KLF12: variants seen among roughly 807,000 people sequenced by gnomAD.
KLF12 encodes KLF transcription factor 12.
KLF12 carries 9 observed loss-of-function variants against 37.8 expected under a neutral mutation model. The observed-to-expected ratio is 0.24, with a 90% CI of 0.14 to 0.42. The LOEUF is 0.42. Among genes scored for constraint, KLF12 ranks in the 10% least tolerant of loss-of-function variants. The pLI is 1.00. For missense variants in KLF12, 411 were observed against 516.0 expected, an observed-to-expected ratio of 0.80 and a Z score of 1.97; for synonymous variants, 208 against 202.1, an observed-to-expected ratio of 1.03 and a Z score of -0.25.
chr13:73,834,576 T>A (rs761306540), intron 4 of KLF12, among the ~76,000 whole-genome samples: 1 of 152,238 alleles, frequency 6.6e-6, no homozygotes, highest in African/African-American at 2.4e-5. Flanking sequence ...AGTGGTATGA[T>A]CTCGGCTCAC....
chr13:74,173,273 T>G, the KLF12 span, among the ~76,000 whole-genome samples: 1 of 152,222 alleles, frequency 6.6e-6, no homozygotes, highest in Non-Finnish European at 1.5e-5. Flanking sequence ...CACTCATTTG[T>G]ACAGCTCCAG....
intron 1 of KLF12, among the ~76,000 whole-genome samples, chr13:74,015,061 T>C (rs189702094): frequency 6.6e-6 from 1 of 152,184 alleles, no homozygotes; most frequent in Non-Finnish European, 1.5e-5. Flanking sequence ...ATATAATAAA[T>C]TATATACTAT....
intron 3 of KLF12, among the ~76,000 whole-genome samples, chr13:73,848,872 A>G (rs150584705): frequency 1.3e-5 from 2 of 152,244 alleles, no homozygotes; most frequent in Admixed American, 1.3e-4. Context: ...GTCCTTTTTC[A>G]TATGTGGCAG....
At chr13:74,300,057 A>T in the KLF12 span, among the ~76,000 whole-genome samples, 1 of 152,190 alleles carries the variant, frequency 6.6e-6, no homozygotes, top group African/African-American at 2.4e-5. Context: ...AACCATTGTA[A>T]AAAGGGGAAA....
chr13:73,836,372 C>T (rs1365567344), intron 4 of KLF12, among the ~76,000 whole-genome samples: 1 of 152,094 alleles, frequency 6.6e-6, no homozygotes, highest in Non-Finnish European at 1.5e-5. Flanking sequence ...GGAACAGAAA[C>T]CACAGCCACA....
chr13:73,850,676 G>C (rs1885288242), intron 3 of KLF12, among the ~76,000 whole-genome samples: 1 of 152,106 alleles, frequency 6.6e-6, no homozygotes, highest in Non-Finnish European at 1.5e-5. Context: ...TTCCTCTTTA[G>C]TAACACCAGC....
intron 1 of KLF12, among the ~76,000 whole-genome samples, chr13:74,039,374 A>G (rs893215454): frequency 3.3e-5 from 5 of 151,604 alleles, no homozygotes; most frequent in Admixed American, 3.3e-4. Flanking sequence ...CATCTCTACC[A>G]AAAGAAAAAA....
the KLF12 span, among the ~76,000 whole-genome samples, chr13:74,254,136 G>A: frequency 6.6e-6 from 1 of 152,114 alleles, no homozygotes; most frequent in African/African-American, 2.4e-5. Context: ...ATGTCATGCA[G>A]GATTGTGTGT....
chr13:74,191,567 G>A, the KLF12 span, among the ~76,000 whole-genome samples: 11 of 152,172 alleles, frequency 7.2e-5, no homozygotes, highest in Non-Finnish European at 1.6e-4. Flanking sequence ...AGGGTTTCAG[G>A]TCTCTTGTGA....
chr13:74,215,488 C>A, the KLF12 span, among the ~76,000 whole-genome samples: 11 of 110,476 alleles, frequency 1.0e-4, no homozygotes, highest in African/African-American at 4.0e-4. Context: ...AGTTTGTTTG[C>A]TTGGGTCTCT....
chr13:74,142,241 C>T, the KLF12 span, among the ~76,000 whole-genome samples: 1 of 152,182 alleles, frequency 6.6e-6, no homozygotes. Context: ...CATGAATTTA[C>T]GTGTCTTTGA....
At chr13:74,219,843 T>C in the KLF12 span, among the ~76,000 whole-genome samples, 1 of 152,204 alleles carries the variant, frequency 6.6e-6, no homozygotes, top group Non-Finnish European at 1.5e-5. Flanking sequence ...TCTTAGCTGC[T>C]TCGAAAACTT....
intron 1 of KLF12, among the ~76,000 whole-genome samples, chr13:74,105,282 CA>C (rs967683257): frequency 7.1e-4 from 108 of 152,204 alleles, no homozygotes; most frequent in African/African-American, 2.5e-3. Context: ...TCTAGCAATA[CA>C]AATATATGAG....
chr13:73,916,241 GCACACGCACACACA>G (rs1339462162), intron 3 of KLF12, among the ~76,000 whole-genome samples: 3 of 30,716 alleles, frequency 9.8e-5, no homozygotes, highest in African/African-American at 2.9e-4. Context: ...ACACACACAC[GCACACGCACACACA>G]CACACACACA....
At chr13:74,271,295 C>T in the KLF12 span, among the ~76,000 whole-genome samples, 3 of 152,126 alleles carry the variant, frequency 2.0e-5, no homozygotes, top group African/African-American at 7.2e-5. Flanking sequence ...CTGTTGTCTG[C>T]AATCAACATA....
intron 2 of KLF12, among the ~76,000 whole-genome samples, chr13:73,988,764 G>A (rs1006296200): frequency 6.6e-6 from 1 of 152,202 alleles, no homozygotes; most frequent in African/African-American, 2.4e-5. Context: ...GGTCTAAGTA[G>A]CCAATTTTCC....
the KLF12 span, among the ~76,000 whole-genome samples, chr13:74,203,910 A>G: frequency 1.1e-3 from 174 of 152,230 alleles, 3 homozygotes; most frequent in East Asian, 0.029. Flanking sequence ...GTAAGCGGAG[A>G]CTCAGAAGCA....
chr13:73,995,841 G>A (rs1892100824), intron 1 of KLF12, among the ~76,000 whole-genome samples: 1 of 152,126 alleles, frequency 6.6e-6, no homozygotes, highest in Non-Finnish European at 1.5e-5. Flanking sequence ...ACTTGCTTCA[G>A]AATTTCCATT....
intron 1 of KLF12, among the ~76,000 whole-genome samples, chr13:74,105,925 T>A (rs1876626966): frequency 6.6e-6 from 1 of 152,198 alleles, no homozygotes; most frequent in Non-Finnish European, 1.5e-5. Context: ...ATTCTTAGTG[T>A]CACCTCTTAT....
Sources: allele counts gnomAD v4.1 joint callset (sites outside exome capture counted in the v4.1 genomes callset), GRCh38; gene constraint gnomAD v4.1.1; transcripts MANE v1.5; gene names NCBI Gene and HGNC (gene_info 2026-07-23, HGNC 2026-07-21).